COL25A1: variants seen among roughly 807,000 people sequenced by gnomAD.
COL25A1 encodes collagen type XXV alpha 1 chain, also known as collagen alpha-1(XXV) chain.
COL25A1 carries 103 observed loss-of-function variants against 128.4 expected under a neutral mutation model. That is an observed-to-expected ratio of 0.80 (90% CI 0.68 to 0.94). COL25A1 has a LOEUF of 0.94. Ranked by LOEUF, COL25A1 falls within the 40% of genes least tolerant of loss-of-function variation. The pLI, the probability that COL25A1 is intolerant of heterozygous loss-of-function variation, is 0.00. For missense variants in COL25A1, 745 were observed against 840.0 expected (o/e 0.89, Z 1.40); for synonymous variants, 279 against 277.2 (o/e 1.01, Z -0.06).
chr4:109,104,841 A>G (rs1045410343), intron 3 of COL25A1, among the ~76,000 whole-genome samples: 1 of 152,222 alleles, frequency 6.6e-6, no homozygotes, highest in Admixed American at 6.5e-5. Context: ...TAAAAACACA[A>G]TCAGAAAGAG....
intron 3 of COL25A1, among the ~76,000 whole-genome samples, chr4:109,277,463 T>C (rs1245753980): frequency 1.3e-5 from 2 of 152,198 alleles, no homozygotes; most frequent in Admixed American, 6.5e-5. Flanking sequence ...AGGAAAAATC[T>C]TAACTGAATT....
chr4:108,897,955 G>C (rs899380618), intron 15 of COL25A1, among the ~76,000 whole-genome samples: 2 of 139,254 alleles, frequency 1.4e-5, no homozygotes, highest in African/African-American at 5.1e-5. Context: ...TGCTGATACT[G>C]CTCCTTTTCC....
At chr4:109,271,248 G>A (rs2126265037) in intron 3 of COL25A1, among the ~76,000 whole-genome samples, 1 of 152,254 alleles carries the variant, frequency 6.6e-6, no homozygotes, top group East Asian at 1.9e-4. Context: ...AAACTAAAAT[G>A]TAAATTTAAT....
intron 3 of COL25A1, among the ~76,000 whole-genome samples, chr4:109,222,924 C>A (rs1202969116): frequency 6.6e-6 from 1 of 152,158 alleles, no homozygotes; most frequent in African/African-American, 2.4e-5. Context: ...TTATCCAAAT[C>A]AAATTGATTT....
intron 19 of COL25A1, among the ~76,000 whole-genome samples, chr4:108,873,458 A>G (rs1358913602): frequency 6.6e-6 from 1 of 152,106 alleles, no homozygotes; most frequent in Non-Finnish European, 1.5e-5. Flanking sequence ...GAACTAAGTC[A>G]GTGTGCAATA....
Position 108,812,142 on chromosome 4 carries a change from A to C in COL25A1, c.*1785T>G, listed in dbSNP as rs1261758663. The stretch of plus-strand genomic sequence containing the variant: ...TTTCAAAACACGCTACCAACTCTTT[A>C]CTGTGCAAAGAAATGTTCCATCTAA... On this transcript the variant is annotated 3_prime_UTR_variant, in exon 38 of 38. Coordinates refer to ENST00000399132, the MANE Select transcript of COL25A1 (RefSeq NM_198721.4). 3.9e-5 allele frequency: 6 copies of C among 152,214 alleles called. No individual in the cohort carries two copies. The South Asian group carries it at 1.0e-3, about 26-fold the overall frequency. The allele number at this position is 152,214 out of a possible 1,614,324, so 9.4% of individuals were successfully genotyped here. A position where few individuals can be genotyped will look rare whatever the true frequency, so the allele number is the denominator to read the frequency against.
At chr4:108,823,712 C>T (rs1475204866) in intron 35 of COL25A1, among the ~76,000 whole-genome samples, 1 of 152,136 alleles carries the variant, frequency 6.6e-6, no homozygotes, top group Non-Finnish European at 1.5e-5. Flanking sequence ...AGTCACACTG[C>T]TTCTCCTCCA....
intron 3 of COL25A1, among the ~76,000 whole-genome samples, chr4:109,231,114 C>T (rs1578500378): frequency 6.6e-6 from 1 of 152,004 alleles, no homozygotes; most frequent in South Asian, 2.1e-4. Flanking sequence ...GCACTCCAGC[C>T]TGGGAACAGA....
Position 109,065,545 on chromosome 4 carries a change from C to CGCGTGT in COL25A1, c.368-15367_368-15366insACACGC, listed in dbSNP as rs771855567. ...TTTTGGTGCAGCACGCGCGCGCGCGCGTGTGTGTGTGTGTGTGTGTGTGTG... is the reference window on the plus strand; with the variant it reads ...TTTTGGTGCAGCACGCGCGCGCGCGCGCGTGTGTGTGTGTGTGTGTGTGTGTGTGTG... On this transcript the variant is annotated intron_variant, in intron 3 of 37. Coordinates refer to ENST00000399132, the MANE Select transcript of COL25A1 (RefSeq NM_198721.4). 2.3e-3 allele frequency among the ~76,000 whole-genome samples: 321 copies of CGCGTGT among 141,176 alleles called. 1 individual carries two copies. The highest frequency in any genetic ancestry group is 7.9e-3 in the African/African-American group (296 of 37,682). 92.6% of individuals were successfully genotyped at this position (141,176 alleles called of 152,430 possible).
intron 14 of COL25A1, among the ~76,000 whole-genome samples, chr4:108,900,523 ATTGTCCCCAATC>A (rs869094975): frequency 6.6e-6 from 1 of 152,188 alleles, no homozygotes; most frequent in African/African-American, 2.4e-5. Context: ...TTTAAACTAA[ATTGTCCCCAATC>A]TTTTTATATT....
At chr4:108,905,522 AAAAT>A (rs1326468629) in intron 13 of COL25A1, among the ~76,000 whole-genome samples, 1 of 150,386 alleles carries the variant, frequency 6.6e-6, no homozygotes, top group South Asian at 2.1e-4. Flanking sequence ...TAATAATAAA[AAAAT>A]AAAAATAAAA....
At chr4:108,889,661 GT>G in intron 17 of COL25A1, 39 bp downstream of exon 17, 1 of 1,589,910 alleles carries the variant, frequency 6.3e-7, no homozygotes, top group Non-Finnish European at 8.6e-7. Flanking sequence ...AATCAGAACT[GT>G]AACTCCTGGA....
At chr4:109,262,843 T>C (rs1376569131) in intron 3 of COL25A1, among the ~76,000 whole-genome samples, 6 of 151,948 alleles carry the variant, frequency 3.9e-5, no homozygotes, top group Admixed American at 2.6e-4. Context: ...TATCAAAACC[T>C]TTCAGGCCGA....
At chr4:109,041,059 T>G (rs1391514165) in intron 5 of COL25A1, among the ~76,000 whole-genome samples, 2 of 152,040 alleles carry the variant, frequency 1.3e-5, no homozygotes, top group African/African-American at 4.8e-5. Context: ...TGCTAAAAAT[T>G]AAACTTTATC....
intron 3 of COL25A1, among the ~76,000 whole-genome samples, chr4:109,157,933 A>G (rs1048285597): frequency 5.9e-5 from 9 of 152,228 alleles, no homozygotes; most frequent in African/African-American, 2.2e-4. Context: ...AGGCACGGGC[A>G]TAACTGGCAT....
rs75140059 is a variant in COL25A1 at position 109,061,930 on chromosome 4, C to T, written c.368-11751G>A. 4.7e-3 allele frequency among the ~76,000 whole-genome samples: 721 copies of T among 152,264 alleles called. 4 individuals carry two copies. Among genetic ancestry groups the T allele is most frequent in the East Asian group, 0.018 (94 of 5,186 alleles). The stretch of plus-strand genomic sequence containing the variant: ...AAGCATTTTCCAATGAAACTACAGA[C>T]GGGCCAATCCAAGACATGATTTTAA... On this transcript the variant is annotated intron_variant, in intron 3 of 37. Coordinates refer to ENST00000399132, the MANE Select transcript of COL25A1 (RefSeq NM_198721.4).
chr4:109,033,498 G>T (rs963157858), intron 5 of COL25A1, among the ~76,000 whole-genome samples: 1 of 152,192 alleles, frequency 6.6e-6, no homozygotes, highest in African/African-American at 2.4e-5. Context: ...GAGAGGTCAA[G>T]TAATAAAACC....
At position 108,931,374 on chromosome 4, in the gene COL25A1, T is replaced by C. The variant is rs148888112; in HGVS notation, c.708+6434A>G. ...TGATAGAGCTTATTAGACCTTGAGC[T>C]GGAGCCACTGTAAAAATAGTTAATA... On this transcript the variant is annotated intron_variant, in intron 11 of 37. Coordinates refer to ENST00000399132, the MANE Select transcript of COL25A1 (RefSeq NM_198721.4). 5.1e-3 allele frequency among the ~76,000 whole-genome samples: 769 copies of C among 152,258 alleles called. 6 individuals are homozygous for C. Among genetic ancestry groups the C allele is most frequent in the African/African-American group, 0.018 (729 of 41,546 alleles).
At chr4:109,291,332 T>TA in intron 3 of COL25A1, among the ~76,000 whole-genome samples, 1 of 152,272 alleles carries the variant, frequency 6.6e-6, no homozygotes, top group South Asian at 2.1e-4. Context: ...AAAATCCTGT[T>TA]AATTCCTAGA....
Sources: allele counts gnomAD v4.1 joint callset (sites outside exome capture counted in the v4.1 genomes callset), GRCh38; gene constraint gnomAD v4.1.1; transcripts MANE v1.5; gene names NCBI Gene and HGNC (gene_info 2026-07-23, HGNC 2026-07-21).